The following LRP4 variants were observed in gnomAD, a reference collection of about 807,000 sequenced individuals.
LRP4 encodes LDL receptor related protein 4, also known as low-density lipoprotein receptor-related protein 4.
Under a neutral mutation model 220.3 loss-of-function variants are expected in LRP4, and 95 were observed. That is an observed-to-expected ratio of 0.43 (90% CI 0.37 to 0.51). The LOEUF is 0.51. Ranked by LOEUF, LRP4 falls within the 20% of genes least tolerant of loss-of-function variation. LRP4 has a pLI of 0.00. For synonymous variants in LRP4, 903 were observed against 954.6 expected (o/e 0.95, Z 1.00); for missense variants, 1,925 against 2,567.0 (o/e 0.75, Z 5.40).
At chr11:46,898,784 G>A in intron 6 of LRP4, 107 bp from the exon 7 acceptor site, 1 of 1,603,446 alleles carries the variant, frequency 6.2e-7, no homozygotes, top group Non-Finnish European at 8.5e-7. Context: ...TTCCCAAGAG[G>A]GACCAGAAAA....
At position 46,881,903 on chromosome 11, in the gene LRP4, C is replaced by T; in HGVS notation, c.2613G>A (p.Gly871=). 1 of 1,614,138 alleles carries T rather than the reference C, an allele frequency of 6.2e-7. No homozygotes were observed. The highest frequency in any genetic ancestry group is 8.5e-7 in the Non-Finnish European group (1 of 1,180,026). ...CACCCCAGTCAGTCCAATACATGTA[C>T]CTGGGCAAAGGCAAGGCAAGGCAGG... The part of the protein sequence containing the change: ...PRDIVVEPMG[G]YMYWTDWGAS... Residue 871 remains glycine, a splice_region_variant and synonymous_variant, in exon 20 of 38, where the codon GGG becomes GGA. Transcript: ENST00000378623.
At position 46,880,317 on chromosome 11, in the gene LRP4, AAAGCTATG is replaced by A. The variant is rs1195319854; in HGVS notation, c.2815-1010_2815-1003del. ...TGCAGTCTCAAAAAAAAAAAAAAAA[AAAGCTATG>A]TGTGGTGGCTCATGCCTATAAACCC... On this transcript the variant is annotated intron_variant, in intron 20 of 37. Coordinates refer to ENST00000378623, the MANE Select transcript of LRP4 (RefSeq NM_002334.4). Among the ~76,000 whole-genome samples, 9 of 151,588 alleles carry A rather than the reference AAAGCTATG, an allele frequency of 5.9e-5. No individual in the cohort carries two copies. In the East Asian group the frequency reaches 1.5e-3, roughly 26 times the overall value.
intron 1 of LRP4, among the ~76,000 whole-genome samples, chr11:46,913,550 G>T (rs1941901690): frequency 6.6e-6 from 1 of 152,136 alleles, no homozygotes; most frequent in African/African-American, 2.4e-5. Flanking sequence ...CTCCACAACA[G>T]CCCAGCTCCC....
At chr11:46,889,643 T>C (rs559011422) in intron 15 of LRP4, 110 bp from the exon 16 acceptor site, 4 of 1,470,062 alleles carry the variant, frequency 2.7e-6, no homozygotes, top group East Asian at 4.6e-5. Flanking sequence ...GGAGAAACTA[T>C]GTCTTATATT....
At position 46,890,421 on chromosome 11, in the gene LRP4, T is replaced by G. The variant is rs772341020; in HGVS notation, c.1771A>C (p.Ile591Leu). 20 of 1,614,094 alleles carry G rather than the reference T, an allele frequency of 1.2e-5. No homozygotes were observed. The South Asian group carries it at 2.2e-4, about 18-fold the overall frequency. The change falls in exon 14 of 38, where the codon ATC becomes CTC. Residue 591 changes from isoleucine (I) to leucine (L), a missense_variant. Ile to Leu is a conservative substitution (Grantham distance 5). Coordinates refer to ENST00000378623, the MANE Select transcript of LRP4 (RefSeq NM_002334.4). This position sits in a 1 kb window ranked among gnomAD's most constrained non-coding sequence, Gnocchi z 5.3. The stretch of plus-strand genomic sequence containing the variant: ...CAGAAGAGATGGGTATCGGCAATGA[T>G]GCGGCGTCCAGAGCCATCCATGCTG... The part of the protein sequence containing the change: ...ASSMDGSGRR[I>L]IADTHLFWPN...
chr11:46,900,855 C>T (rs1301363379), intron 2 of LRP4, among the ~76,000 whole-genome samples: 8 of 149,934 alleles, frequency 5.3e-5, no homozygotes, highest in African/African-American at 1.5e-4. Flanking sequence ...GGTATGATCT[C>T]GGCTCACTGC....
chr11:46,889,147 T>C (rs1941364478), intron 16 of LRP4, among the ~76,000 whole-genome samples: 2 of 152,220 alleles, frequency 1.3e-5, no homozygotes, highest in South Asian at 4.1e-4. Flanking sequence ...AAGGCAATCC[T>C]GCCTGGTAAA....
chr11:46,864,755 C>G (rs1375434623), intron 35 of LRP4, among the ~76,000 whole-genome samples: 1 of 152,174 alleles, frequency 6.6e-6, no homozygotes, highest in East Asian at 1.9e-4. Flanking sequence ...CCATTTCGAC[C>G]ACTTCCTAGC....
chr11:46,863,787 T>A (rs1404996686), intron 36 of LRP4, among the ~76,000 whole-genome samples: 2 of 151,596 alleles, frequency 1.3e-5, no homozygotes, highest in Non-Finnish European at 2.9e-5. Context: ...TTAAAAAAAA[T>A]AAACTTTCTG....
intron 34 of LRP4, among the ~76,000 whole-genome samples, chr11:46,866,716 T>A (rs1940712123): frequency 6.6e-6 from 1 of 152,142 alleles, no homozygotes; most frequent in South Asian, 2.1e-4. Context: ...CCCAGAAGTT[T>A]AAAACCAGCC....
At chr11:46,910,382 A>G (rs1275562991) in intron 1 of LRP4, among the ~76,000 whole-genome samples, 1 of 152,238 alleles carries the variant, frequency 6.6e-6, no homozygotes, top group Non-Finnish European at 1.5e-5. Flanking sequence ...TGAGAAATAA[A>G]TTAGTTAATT....
intron 19 of LRP4, 104 bp downstream of exon 19, chr11:46,883,767 A>G (rs17790156): frequency 2.3e-6 from 2 of 882,402 alleles, no homozygotes; most frequent in East Asian, 2.5e-5. Flanking sequence ...TTCCTTGGGC[A>G]TATCCATAAG....
intron 1 of LRP4, among the ~76,000 whole-genome samples, chr11:46,905,150 A>G (rs1478373273): frequency 6.6e-6 from 1 of 152,096 alleles, no homozygotes; most frequent in Non-Finnish European, 1.5e-5. Flanking sequence ...TTCCCCAGGA[A>G]GCACTAAAAG....
At chr11:46,905,979 G>A (rs1315740961) in intron 1 of LRP4, among the ~76,000 whole-genome samples, 1 of 152,118 alleles carries the variant, frequency 6.6e-6, no homozygotes, top group Admixed American at 6.6e-5. Flanking sequence ...GGATGTACCA[G>A]ACGGGAGTTC....
At chr11:46,905,132 G>A (rs1337939468) in intron 1 of LRP4, among the ~76,000 whole-genome samples, 1 of 152,172 alleles carries the variant, frequency 6.6e-6, no homozygotes. Context: ...ATGCAGGGTA[G>A]AGGATTCTTC....
intron 20 of LRP4, among the ~76,000 whole-genome samples, chr11:46,880,463 G>A (rs934841877): frequency 1.3e-5 from 2 of 151,970 alleles, no homozygotes; most frequent in Admixed American, 1.3e-4. Flanking sequence ...TCAGCCGAGT[G>A]GCCTCAAACC....
chr11:46,868,827 A>C, intron 32 of LRP4, 114 bp from the exon 33 acceptor site: 1 of 1,233,842 alleles, frequency 8.1e-7, no homozygotes, highest in Non-Finnish European at 1.2e-6. Context: ...ACAGGGGAGG[A>C]GGAGAGATAC....
chr11:46,858,228 T>TA lies in LRP4; in HGVS notation c.*754dup, dbSNP rs1367962880. 1 of 153,914 alleles carries TA rather than the reference T, an allele frequency of 6.5e-6. No homozygotes were observed. 9.5% of individuals were successfully genotyped at this position (153,914 alleles called of 1,614,324 possible). A position where few individuals can be genotyped will look rare whatever the true frequency, so the allele number is the denominator to read the frequency against. ...GGTGGCACCAGGAGGGAATTCCTAT[T>TA]AGCCAGTAGCCTTGTGATAGGGGAC... On this transcript the variant is annotated 3_prime_UTR_variant, in exon 38 of 38. Coordinates refer to ENST00000378623, the MANE Select transcript of LRP4 (RefSeq NM_002334.4).
Position 46,875,975 on chromosome 11 carries a change from G to A in LRP4, c.3537-9C>T. 6.2e-7 allele frequency: 1 copy of A among 1,613,800 alleles called. No homozygotes were observed. The highest frequency in any genetic ancestry group is 8.5e-7 in the Non-Finnish European group (1 of 1,179,742). On this transcript the variant is annotated splice_polypyrimidine_tract_variant and intron_variant, in intron 25 of 37. Coordinates refer to ENST00000378623, the MANE Select transcript of LRP4 (RefSeq NM_002334.4). The surrounding 1 kb of genome is among the most constrained non-coding windows in gnomAD (Gnocchi z 4.5). ...CTGTCCAGTACATAAACCTGAGTGA[G>A]GAAGAATATTAGCTATATTAGCTAG...
Sources: gnomAD v4.1 joint callset for allele counts (sites outside exome capture counted in the v4.1 genomes callset) on GRCh38, gnomAD v4.1.1 for gene constraint, Gnocchi (gnomAD v3.1) non-coding constraint, MANE v1.5 for transcripts, NCBI Gene and HGNC (gene_info 2026-07-23, HGNC 2026-07-21) for gene names.